WDR26: variants seen among roughly 807,000 people sequenced by gnomAD.
WDR26 encodes the protein WD repeat domain 26.
Under a neutral mutation model 84.1 loss-of-function variants are expected in WDR26, and 5 were observed. The observed-to-expected ratio is 0.06, with a 90% confidence interval of 0.03 to 0.13. The LOEUF is 0.13. WDR26 is among the 10% of genes least tolerant of loss of function. The pLI is 1.00. For missense variants in WDR26, 642 were observed against 974.9 expected (o/e 0.66, Z 4.55); for synonymous variants, 415 against 389.6 (o/e 1.07, Z -0.77).
chr1:224,393,021 G>A (rs1189673123), intron 13 of WDR26, among the ~76,000 whole-genome samples: 4 of 152,080 alleles, frequency 2.6e-5, no homozygotes, highest in Non-Finnish European at 1.5e-5. Flanking sequence ...TCATTTACAT[G>A]AAGTTTCTCA....
chr1:224,395,331 A>T (rs918698803), intron 12 of WDR26, among the ~76,000 whole-genome samples: 12 of 152,200 alleles, frequency 7.9e-5, no homozygotes, highest in Non-Finnish European at 1.8e-4. Context: ...CAAATTAGAA[A>T]GGTGTATAAC....
intron 9 of WDR26, among the ~76,000 whole-genome samples, chr1:224,400,496 G>A (rs905236479): frequency 3.3e-5 from 5 of 152,074 alleles, no homozygotes; most frequent in Non-Finnish European, 2.9e-5. Flanking sequence ...ATTGGACAGC[G>A]CTTGTCTACG....
intron 3 of WDR26, among the ~76,000 whole-genome samples, chr1:224,424,967 G>C (rs1485789180): frequency 6.6e-6 from 1 of 152,162 alleles, no homozygotes; most frequent in African/African-American, 2.4e-5. Flanking sequence ...TACAATTGTA[G>C]TTCTTGTATA....
At chr1:224,413,294 C>T in intron 6 of WDR26, 4 of 1,240,606 alleles carry the variant, frequency 3.2e-6, no homozygotes, top group Non-Finnish European at 3.1e-6. Flanking sequence ...TGCTTCTTTT[C>T]CCAATCAATA....
chr1:224,393,081 C>T (rs1673170815), intron 13 of WDR26, among the ~76,000 whole-genome samples: 1 of 152,124 alleles, frequency 6.6e-6, no homozygotes, highest in South Asian at 2.1e-4. Flanking sequence ...AAGTTTTTGG[C>T]TTTAACTGTT....
chr1:224,413,984 G>C (rs1241498464), intron 6 of WDR26, among the ~76,000 whole-genome samples: 1 of 150,858 alleles, frequency 6.6e-6, no homozygotes, highest in African/African-American at 2.4e-5. Context: ...TGATTTTTTT[G>C]TATTTTTAGT....
At chr1:224,423,203 G>C (rs1460875084) in intron 4 of WDR26, among the ~76,000 whole-genome samples, 1 of 152,142 alleles carries the variant, frequency 6.6e-6, no homozygotes, top group South Asian at 2.1e-4. Flanking sequence ...TTTGAACAGA[G>C]ATAGTTTTTC....
rs554098698 is a variant in WDR26 at position 224,410,268 on chromosome 1, C to A, written c.1458+1159G>T. ...TGCACTCCAGCCTGGGGGACAAGAG[C>A]GAGACTTTGTCTCAAAAAAAAAAAA... On this transcript the variant is annotated intron_variant, in intron 7 of 13. Transcript: ENST00000414423. 3.5e-5 allele frequency among the ~76,000 whole-genome samples: 4 copies of A among 114,726 alleles called. No individual in the cohort carries two copies. In the South Asian group the frequency reaches 1.1e-3, roughly 33 times the overall value. 75.3% of individuals were successfully genotyped at this position (114,726 alleles called of 152,430 possible).
chr1:224,427,575 T>A (rs1455502430), intron 3 of WDR26, among the ~76,000 whole-genome samples: 1 of 152,210 alleles, frequency 6.6e-6, no homozygotes, highest in Non-Finnish European at 1.5e-5. Flanking sequence ...CACAAGAGCA[T>A]TTCTCTATGA....
At chr1:224,399,529 T>A (rs1382702594) in intron 9 of WDR26, among the ~76,000 whole-genome samples, 2 of 152,184 alleles carry the variant, frequency 1.3e-5, no homozygotes, top group African/African-American at 2.4e-5. Flanking sequence ...AGATCAAAGC[T>A]CTTATAGTCA....
At position 224,385,337 on chromosome 1, in the gene WDR26, CA is replaced by C. The variant is rs573456282; in HGVS notation, c.*4497del. ...TACACATTTATAAAATAAAAGTCAA[CA>C]AAGGGTGTTTTGTAAATAATTAGTA... On this transcript the variant is annotated 3_prime_UTR_variant, in exon 14 of 14. Coordinates refer to ENST00000414423, the MANE Select transcript of WDR26 (RefSeq NM_001379403.1). 2 of 152,026 alleles carry C rather than the reference CA, an allele frequency of 1.3e-5. No individual in the cohort carries two copies. The highest frequency in any genetic ancestry group is 1.3e-4 in the Admixed American group (2 of 15,276). 9.4% of individuals were successfully genotyped at this position (152,026 alleles called of 1,614,324 possible).
intron 6 of WDR26, among the ~76,000 whole-genome samples, chr1:224,416,574 G>A (rs768188811): frequency 9.2e-5 from 14 of 152,112 alleles, no homozygotes; most frequent in African/African-American, 3.4e-4. Context: ...CCTGACCTGA[G>A]GGTTGGAAAA....
At chr1:224,407,171 T>TATATATATATATAA (rs1219084363) in intron 7 of WDR26, among the ~76,000 whole-genome samples, 2 of 94,462 alleles carry the variant, frequency 2.1e-5, no homozygotes, top group African/African-American at 8.6e-5. Flanking sequence ...TATATATATA[T>TATATATATATATAA]AACTCAAAAA....
chr1:224,433,599 C>CCA, intron 1 of WDR26, 85 bp downstream of exon 1: 5 of 745,940 alleles, frequency 6.7e-6, no homozygotes, highest in Non-Finnish European at 1.0e-5. Flanking sequence ...TCAAGCCCCC[C>CCA]TCCCCCCTCC....
intron 7 of WDR26, among the ~76,000 whole-genome samples, chr1:224,408,435 T>C (rs1673642207): frequency 6.6e-6 from 1 of 152,206 alleles, no homozygotes; most frequent in Non-Finnish European, 1.5e-5. Flanking sequence ...ACTGGCTAAA[T>C]GAAGGGGATT....
chr1:224,420,958 A>G (rs1674044439), intron 4 of WDR26, among the ~76,000 whole-genome samples: 1 of 152,192 alleles, frequency 6.6e-6, no homozygotes, highest in African/African-American at 2.4e-5. Flanking sequence ...AAAGTTTATT[A>G]TCAATAATTA....
In WDR26 at chr1:224,394,113, T is replaced by G; in HGVS notation, c.2075-100A>C. 3.4e-6 allele frequency: 3 copies of G among 872,856 alleles called. No homozygotes were observed. In the South Asian group the frequency reaches 1.3e-4, roughly 39 times the overall value. The allele number at this position is 872,856 out of a possible 1,614,324, so 54.1% of individuals were successfully genotyped here. On this transcript the variant is annotated intron_variant, in intron 12 of 13. Transcript: ENST00000414423. Reference sequence around the variant, plus strand: ...TACACACAGGACTCTTTACTAGAACTTAAAGGGAAAATAAATATACCATGA... The same window carrying G: ...TACACACAGGACTCTTTACTAGAACGTAAAGGGAAAATAAATATACCATGA...
intron 4 of WDR26, among the ~76,000 whole-genome samples, chr1:224,420,404 C>A (rs1158181942): frequency 6.6e-6 from 1 of 152,152 alleles, no homozygotes; most frequent in Non-Finnish European, 1.5e-5. Context: ...GAGATTAGAC[C>A]TGGCAAGTAA....
chr1:224,402,564 C>A (rs1673448294), intron 8 of WDR26, among the ~76,000 whole-genome samples: 1 of 152,122 alleles, frequency 6.6e-6, no homozygotes, highest in Non-Finnish European at 1.5e-5. Context: ...TAAAGTACTA[C>A]ACAATGAAAG....
Sources: allele counts gnomAD v4.1 joint callset (sites outside exome capture counted in the v4.1 genomes callset), GRCh38; gene constraint gnomAD v4.1.1; transcripts MANE v1.5; gene names NCBI Gene and HGNC (gene_info 2026-07-23, HGNC 2026-07-21).